The following PSD3 variants were observed in gnomAD, a reference collection of about 807,000 sequenced individuals.
PSD3 encodes PH and SEC7 domain-containing protein 3.
PSD3 carries 49 observed loss-of-function variants against 105.5 expected under a neutral mutation model. The observed-to-expected ratio is 0.46, with a 90% CI of 0.37 to 0.59. The LOEUF is 0.59. Ranked by LOEUF, PSD3 falls within the 20% of genes least tolerant of loss-of-function variation. The probability of loss-of-function intolerance (pLI) is 0.00; values close to 1 mark genes in which losing one functional copy is unlikely to be tolerated. For missense variants in PSD3, 1,561 were observed against 1,263.8 expected (o/e 1.24, Z -3.57); for synonymous variants, 557 against 457.8 (o/e 1.22, Z -2.77).
At chr8:19,027,797 A>G (rs1171129013) in intron 1 of PSD3, among the ~76,000 whole-genome samples, 1 of 152,202 alleles carries the variant, frequency 6.6e-6, no homozygotes, top group Non-Finnish European at 1.5e-5. Context: ...TTTATTGGAC[A>G]GTGTTCCATT....
chr8:18,551,803 A>T (rs934205035), intron 15 of PSD3, among the ~76,000 whole-genome samples: 4 of 152,274 alleles, frequency 2.6e-5, no homozygotes, highest in African/African-American at 4.8e-5. Context: ...ACATATACCG[A>T]GAAGTATCTT....
rs79738369 is a variant in PSD3 at position 18,891,600 on chromosome 8, T to C, written c.131-18867A>G. Among the ~76,000 whole-genome samples, 453 of 152,030 alleles carry C rather than the reference T, an allele frequency of 3.0e-3. 2 individuals carry two copies. Among genetic ancestry groups the C allele is most frequent in the African/African-American group, 0.011 (440 of 41,342 alleles). Reference sequence around the variant, plus strand: ...AAGTCATCTTTAAGAAGCTGGTTTATCCAACATCCAACACCTGCACCTCCG... The same window carrying C: ...AAGTCATCTTTAAGAAGCTGGTTTACCCAACATCCAACACCTGCACCTCCG... On this transcript the variant is annotated intron_variant, in intron 2 of 15. Coordinates refer to ENST00000327040, the MANE Select transcript of PSD3 (RefSeq NM_015310.4).
chr8:18,920,655 C>A (rs963802179), intron 2 of PSD3, among the ~76,000 whole-genome samples: 3 of 152,168 alleles, frequency 2.0e-5, no homozygotes, highest in Non-Finnish European at 4.4e-5. Context: ...AAGGCCGGAT[C>A]ATTAGAAACA....
intron 7 of PSD3, among the ~76,000 whole-genome samples, chr8:18,799,587 G>C (rs2129447174): frequency 6.6e-6 from 1 of 152,250 alleles, no homozygotes; most frequent in South Asian, 2.1e-4. Context: ...AGGACAGTTT[G>C]GTAGTAGATA....
chr8:19,005,147 T>C lies in PSD3; in HGVS notation c.21+8416A>G, dbSNP rs1190527328. ...CCCACTAGAATGGCTACAAAACTTG[T>C]ATGCTTGTGTTCAGAATGGCATTAT... On this transcript the variant is annotated intron_variant, in intron 1 of 15. Coordinates refer to ENST00000327040, the MANE Select transcript of PSD3 (RefSeq NM_015310.4). Among the ~76,000 whole-genome samples the C allele has an allele frequency of 3.3e-5, 5 of 152,004 alleles. No individual in the cohort carries two copies. The South Asian group carries it at 1.0e-3, about 32-fold the overall frequency.
intron 4 of PSD3, among the ~76,000 whole-genome samples, chr8:18,867,356 G>A (rs1234020832): frequency 1.3e-5 from 2 of 152,108 alleles, no homozygotes; most frequent in Admixed American, 1.3e-4. Context: ...CTCAGTGTTC[G>A]TTTCACAGCA....
In PSD3 at chr8:18,801,395, TA is replaced by T. The variant is rs773392905; in HGVS notation, c.1911-14del. ...TTTAAAGAAATACCTACAAGAGAAT[TA>T]AAAATTTAAACAGTGAAATTTTCGA... On this transcript the variant is annotated splice_polypyrimidine_tract_variant and intron_variant, in intron 6 of 15. Coordinates refer to ENST00000327040, the MANE Select transcript of PSD3 (RefSeq NM_015310.4). 9 of 1,512,224 alleles carry T rather than the reference TA, an allele frequency of 6.0e-6. No homozygotes were observed. The highest frequency in any genetic ancestry group is 6.4e-6 in the Non-Finnish European group (7 of 1,098,892). The allele number at this position is 1,512,224 out of a possible 1,614,324, so 93.7% of individuals were successfully genotyped here.
At chr8:19,058,434 T>G (rs1275344646) in intron 1 of PSD3, among the ~76,000 whole-genome samples, 1 of 148,312 alleles carries the variant, frequency 6.7e-6, no homozygotes, top group Non-Finnish European at 1.5e-5. Flanking sequence ...ATATGATATA[T>G]TACATTGTAA....
chr8:18,903,139 G>A (rs188209616), intron 2 of PSD3, among the ~76,000 whole-genome samples: 358 of 152,302 alleles, frequency 2.4e-3, no homozygotes, highest in African/African-American at 8.2e-3. Flanking sequence ...TCAGGCTCAG[G>A]GGGCCAGGTT....
chr8:18,535,914 G>T lies in PSD3; in HGVS notation c.2973C>A (p.Gly991=). 6.2e-7 allele frequency: 1 copy of T among 1,614,158 alleles called. No homozygotes were observed. Among genetic ancestry groups the T allele is most frequent in the South Asian group, 1.1e-5 (1 of 91,088 alleles). Reference sequence around the variant, plus strand: ...TTTCATCGTTACTCAGTAGCTCTTTGCCTCCTTCCTTGAGAATGCTGACAT... The same window carrying T: ...TTTCATCGTTACTCAGTAGCTCTTTTCCTCCTTCCTTGAGAATGCTGACAT... ...EMYVSILKEG[G]KELLSNDESE... The change falls in exon 16 of 16, where the codon GGC becomes GGA. Residue 991 remains glycine, a synonymous_variant. Transcript: ENST00000327040.
chr8:18,765,570 A>G, intron 8 of PSD3, 32 bp from the exon 9 acceptor site: 1 of 1,458,112 alleles, frequency 6.9e-7, no homozygotes, highest in East Asian at 2.3e-5. Flanking sequence ...CATCACTATG[A>G]CATTCATGGA....
At chr8:19,072,602 G>C (rs1345856916) in intron 1 of PSD3, among the ~76,000 whole-genome samples, 2 of 152,194 alleles carry the variant, frequency 1.3e-5, no homozygotes, top group Non-Finnish European at 2.9e-5. Flanking sequence ...GGAGAAAAGA[G>C]AGAAAACCCA....
intron 1 of PSD3, among the ~76,000 whole-genome samples, chr8:19,031,104 CA>C (rs1207483274): frequency 9.9e-5 from 15 of 152,186 alleles, no homozygotes; most frequent in African/African-American, 3.1e-4. Context: ...TCATGCCTAG[CA>C]CCTACAATCT....
At chr8:18,834,509 C>T (rs192832926) in intron 4 of PSD3, among the ~76,000 whole-genome samples, 11 of 152,328 alleles carry the variant, frequency 7.2e-5, no homozygotes, top group African/African-American at 2.4e-4. Context: ...CCCCAAGAGC[C>T]TCAGCTCTCT....
chr8:18,594,205 AATATATATTATTATATATATTAT>A (rs1803858289), intron 12 of PSD3, among the ~76,000 whole-genome samples: 1 of 16,036 alleles, frequency 6.2e-5, no homozygotes, highest in African/African-American at 1.5e-4. Flanking sequence ...CATATTATAT[AATATATATTATTATATATATTAT>A]ATAATATATA....
At chr8:18,574,950 G>C (rs1437935276) in intron 13 of PSD3, among the ~76,000 whole-genome samples, 178 bp downstream of exon 13, 1 of 149,916 alleles carries the variant, frequency 6.7e-6, no homozygotes, top group Non-Finnish European at 1.5e-5. Context: ...TGTAAATCCT[G>C]GGTTTCTATT....
chr8:18,599,639 G>A (rs372004813), intron 12 of PSD3, among the ~76,000 whole-genome samples: 46 of 152,286 alleles, frequency 3.0e-4, no homozygotes, highest in African/African-American at 1.1e-3. Context: ...GAATGGGCTT[G>A]AACTGTACAG....
At chr8:19,033,533 T>G (rs2056441) in intron 1 of PSD3, among the ~76,000 whole-genome samples, 71,368 of 150,910 alleles carry the variant, frequency 0.47, 17,774 homozygotes, top group Non-Finnish European at 0.55. Flanking sequence ...TTCTCTGCTT[T>G]GAGCTCTTTT....
At chr8:18,957,597 A>AT (rs1481350860) in intron 1 of PSD3, among the ~76,000 whole-genome samples, 2 of 152,152 alleles carry the variant, frequency 1.3e-5, no homozygotes, top group African/African-American at 2.4e-5. Flanking sequence ...CACCTATTCC[A>AT]TTACAGCCTA....
Sources: gnomAD v4.1 joint callset for allele counts (sites outside exome capture counted in the v4.1 genomes callset) on GRCh38, gnomAD v4.1.1 for gene constraint, MANE v1.5 for transcripts, NCBI Gene and HGNC (gene_info 2026-07-23, HGNC 2026-07-21) for gene names.